Variants in NLGN1 observed in about 807,000 individuals in gnomAD.
The protein encoded by NLGN1 is neuroligin-1.
A neutral mutation model predicts 65.5 loss-of-function variants in NLGN1; 12 were observed. The observed-to-expected ratio is 0.18, with a 90% CI of 0.12 to 0.30. The LOEUF (loss-of-function observed/expected upper bound fraction) is 0.30. Ranked by LOEUF, NLGN1 falls within the 10% of genes least tolerant of loss-of-function variation. NLGN1 has a pLI of 1.00. For missense variants in NLGN1, 750 were observed against 1,007.1 expected (o/e 0.74, Z 3.46); for synonymous variants, 350 against 359.5 (o/e 0.97, Z 0.30).
chr3:173,452,744 A>G (rs1011333237), intron 2 of NLGN1, among the ~76,000 whole-genome samples: 1 of 152,190 alleles, frequency 6.6e-6, no homozygotes, highest in Non-Finnish European at 1.5e-5. Flanking sequence ...ATAGATGATT[A>G]ATAGTACAAT....
intron 3 of NLGN1, among the ~76,000 whole-genome samples, chr3:173,659,173 A>G (rs1434115818): frequency 6.6e-6 from 1 of 152,014 alleles, no homozygotes; most frequent in Admixed American, 6.6e-5. Context: ...AGTAATAATA[A>G]AATATCCAGT....
chr3:174,027,490 ATGT>A (rs1383837390), intron 4 of NLGN1, among the ~76,000 whole-genome samples: 2 of 152,172 alleles, frequency 1.3e-5, no homozygotes. Flanking sequence ...TTGGTGCCAG[ATGT>A]ATTTCAGAAT....
At chr3:173,908,433 T>C (rs1213920011) in intron 4 of NLGN1, among the ~76,000 whole-genome samples, 3 of 152,230 alleles carry the variant, frequency 2.0e-5, no homozygotes, top group Non-Finnish European at 4.4e-5. Context: ...TCACTTGTGG[T>C]AAGATATCTT....
intron 4 of NLGN1, among the ~76,000 whole-genome samples, chr3:173,832,462 A>C (rs1215959431): frequency 6.6e-6 from 1 of 152,234 alleles, no homozygotes; most frequent in African/African-American, 2.4e-5. Context: ...CCGAAGTCTT[A>C]TACTGCTGCC....
chr3:174,192,368 T>C (rs1732561425), intron 4 of NLGN1, among the ~76,000 whole-genome samples: 1 of 152,188 alleles, frequency 6.6e-6, no homozygotes, highest in African/African-American at 2.4e-5. Flanking sequence ...TTTCTTTGTG[T>C]GCAAATTACC....
chr3:174,225,597 G>A (rs915952106), intron 4 of NLGN1, among the ~76,000 whole-genome samples: 4 of 152,162 alleles, frequency 2.6e-5, no homozygotes, highest in South Asian at 2.1e-4. Context: ...TGGGCGTGGT[G>A]GCGGGCGCCT....
At chr3:173,580,426 C>T (rs1291851238) in intron 2 of NLGN1, among the ~76,000 whole-genome samples, 1 of 151,790 alleles carries the variant, frequency 6.6e-6, no homozygotes, top group Non-Finnish European at 1.5e-5. Flanking sequence ...TACTTTCCTC[C>T]TGTATTGATT....
intron 3 of NLGN1, chr3:173,800,409 C>A: frequency 1.7e-6 from 1 of 576,136 alleles, no homozygotes; most frequent in Non-Finnish European, 2.6e-6. Flanking sequence ...CTTTTTCCAC[C>A]CCTTTCTATT....
At chr3:173,747,392 A>G (rs952313655) in intron 3 of NLGN1, among the ~76,000 whole-genome samples, 6 of 146,464 alleles carry the variant, frequency 4.1e-5, no homozygotes, top group Admixed American at 1.4e-4. Context: ...AGATATATAT[A>G]TTTAAATATA....
At chr3:174,068,860 A>T (rs1269614) in intron 4 of NLGN1, among the ~76,000 whole-genome samples, 152,318 of 152,318 alleles carry the variant, frequency 1, 76,159 homozygotes, top group Non-Finnish European at 1. Context: ...ACAGAAAGCA[A>T]TTTATTGAAT....
chr3:173,713,915 G>A (rs9815508), intron 3 of NLGN1, among the ~76,000 whole-genome samples: 96,041 of 151,870 alleles, frequency 0.63, 30,574 homozygotes, highest in East Asian at 0.78. Flanking sequence ...TGGCTTTATT[G>A]CTAAAGAGTT....
At chr3:173,783,272 C>G (rs568043694) in intron 3 of NLGN1, among the ~76,000 whole-genome samples, 5 of 152,206 alleles carry the variant, frequency 3.3e-5, no homozygotes, top group Admixed American at 6.5e-5. Flanking sequence ...GAAAAACATT[C>G]AAAAATCCAT....
intron 2 of NLGN1, among the ~76,000 whole-genome samples, chr3:173,517,479 G>A (rs147177859): frequency 4.7e-4 from 72 of 151,962 alleles, no homozygotes; most frequent in African/African-American, 1.7e-3. Flanking sequence ...ACTACTCATT[G>A]ATAAAATTAT....
At chr3:173,546,823 A>T (rs561465509) in intron 2 of NLGN1, among the ~76,000 whole-genome samples, 5 of 152,346 alleles carry the variant, frequency 3.3e-5, no homozygotes, top group Non-Finnish European at 7.4e-5. Flanking sequence ...TATATCTTGG[A>T]TGAAGAAGAA....
At chr3:173,657,049 A>G (rs1286270536) in intron 3 of NLGN1, among the ~76,000 whole-genome samples, 1 of 152,054 alleles carries the variant, frequency 6.6e-6, no homozygotes, top group African/African-American at 2.4e-5. Context: ...AAAAAAGAAG[A>G]CACAGTTTTC....
intron 4 of NLGN1, among the ~76,000 whole-genome samples, chr3:173,933,331 A>G (rs1744468517): frequency 6.6e-6 from 1 of 152,152 alleles, no homozygotes; most frequent in Admixed American, 6.6e-5. Context: ...TCTTCAAAAG[A>G]TAAATATGAG....
At chr3:173,403,777 GT>G (rs1300089122) in intron 1 of NLGN1, among the ~76,000 whole-genome samples, 5 of 152,040 alleles carry the variant, frequency 3.3e-5, no homozygotes, top group African/African-American at 4.8e-5. Context: ...TTATTCTGGA[GT>G]TTTTTTAAAT....
At chr3:173,409,286 G>T (rs1712002588) in intron 1 of NLGN1, among the ~76,000 whole-genome samples, 1 of 152,130 alleles carries the variant, frequency 6.6e-6, no homozygotes, top group Non-Finnish European at 1.5e-5. Context: ...ATGTAAATGT[G>T]TATCTATCTA....
downstream of NLGN1, among the ~76,000 whole-genome samples, chr3:174,291,367 T>A (rs1267796442): frequency 6.6e-6 from 1 of 150,672 alleles, no homozygotes; most frequent in Non-Finnish European, 1.5e-5. Context: ...CAGAAAAAAA[T>A]TTGATGTCAC....
Sources: allele counts gnomAD v4.1 joint callset (sites outside exome capture counted in the v4.1 genomes callset), GRCh38; gene constraint gnomAD v4.1.1; transcripts MANE v1.5; gene names NCBI Gene and HGNC (gene_info 2026-07-23, HGNC 2026-07-21).